Variants in MACROD2 observed in about 807,000 individuals in gnomAD.
The protein encoded by MACROD2 is ADP-ribose glycohydrolase MACROD2.
MACROD2 carries 36 observed loss-of-function variants against 70.4 expected under a neutral mutation model. That is an observed-to-expected ratio of 0.51 (90% CI 0.39 to 0.68). The LOEUF is 0.68. Among genes scored for constraint, MACROD2 ranks in the 30% least tolerant of loss-of-function variants. The probability of loss-of-function intolerance (pLI) is 0.00; values close to 1 mark genes in which losing one functional copy is unlikely to be tolerated. For synonymous variants in MACROD2, 172 were observed against 178.8 expected, an observed-to-expected ratio of 0.96 and a Z score of 0.30; for missense variants, 496 against 538.4, an observed-to-expected ratio of 0.92 and a Z score of 0.78.
intron 5 of MACROD2, among the ~76,000 whole-genome samples, chr20:14,748,446 T>A (rs1186054674): frequency 2.0e-5 from 3 of 152,088 alleles, no homozygotes; most frequent in Non-Finnish European, 2.9e-5. Context: ...ACTTAGTAGG[T>A]CTTTGTAAAT....
At chr20:15,230,767 C>G (rs2076953097) in intron 6 of MACROD2, among the ~76,000 whole-genome samples, 1 of 152,022 alleles carries the variant, frequency 6.6e-6, no homozygotes, top group Non-Finnish European at 1.5e-5. Context: ...TACTCACCTG[C>G]TTTTCTTTTG....
chr20:15,520,929 C>T (rs1489346767), intron 8 of MACROD2, among the ~76,000 whole-genome samples: 3 of 152,208 alleles, frequency 2.0e-5, no homozygotes, highest in South Asian at 2.1e-4. Flanking sequence ...GAGTTCATGG[C>T]GGAGCTGCAG....
intron 5 of MACROD2, among the ~76,000 whole-genome samples, chr20:15,040,533 G>A (rs1166656260): frequency 6.9e-6 from 1 of 145,348 alleles, no homozygotes; most frequent in Admixed American, 7.0e-5. Context: ...GGCTATTGAG[G>A]TGACCAATTA....
chr20:15,666,396 G>A (rs1237909872), intron 8 of MACROD2, among the ~76,000 whole-genome samples: 1 of 152,104 alleles, frequency 6.6e-6, no homozygotes, highest in Non-Finnish European at 1.5e-5. Context: ...GCCTGCCCTA[G>A]GGTCTTTTTT....
At chr20:15,686,977 A>T (rs1600760044) in intron 8 of MACROD2, among the ~76,000 whole-genome samples, 1 of 145,540 alleles carries the variant, frequency 6.9e-6, no homozygotes. Flanking sequence ...TCTTTCTTTT[A>T]TATTTCTAAA....
chr20:14,384,575 A>G (rs2083452902), intron 3 of MACROD2, among the ~76,000 whole-genome samples: 1 of 152,106 alleles, frequency 6.6e-6, no homozygotes, highest in Non-Finnish European at 1.5e-5. Flanking sequence ...GCTAAACAGG[A>G]AATGTCATGA....
chr20:14,697,678 G>A (rs905847894), intron 5 of MACROD2, among the ~76,000 whole-genome samples: 1 of 151,974 alleles, frequency 6.6e-6, no homozygotes, highest in Non-Finnish European at 1.5e-5. Context: ...CAGAAATAAG[G>A]GATCGATATT....
At chr20:15,904,920 G>C (rs1018171704) in intron 10 of MACROD2, among the ~76,000 whole-genome samples, 1 of 151,410 alleles carries the variant, frequency 6.6e-6, no homozygotes, top group Admixed American at 6.6e-5. Flanking sequence ...AAGAAAGGGA[G>C]GAAAGAGGTG....
rs1289852086 is a variant in MACROD2, at chr20:14,809,515, A to G, written c.418+124556A>G. Among the ~76,000 whole-genome samples the G allele has an allele frequency of 3.9e-5, 6 of 152,060 alleles. 1 individual carries two copies. The highest frequency in any genetic ancestry group is 1.2e-4 in the African/African-American group (5 of 41,418). Reference sequence around the variant, plus strand: ...CTAAAATTGACACCCTAACATCACAATTAAAAGAACTAGAGAAGCAAGAGC... The same window carrying G: ...CTAAAATTGACACCCTAACATCACAGTTAAAAGAACTAGAGAAGCAAGAGC... On this transcript the variant is annotated intron_variant, in intron 5 of 17. Transcript: ENST00000684519.
intron 4 of MACROD2, among the ~76,000 whole-genome samples, chr20:14,557,417 C>T (rs1352216381): frequency 3.3e-5 from 5 of 151,684 alleles, no homozygotes; most frequent in South Asian, 2.1e-4. Flanking sequence ...CAAATCACAC[C>T]ACAAAGAAAG....
chr20:14,302,750 G>T (rs2082486765), intron 3 of MACROD2, among the ~76,000 whole-genome samples: 1 of 151,912 alleles, frequency 6.6e-6, no homozygotes, highest in African/African-American at 2.4e-5. Flanking sequence ...CCGCCTGCCA[G>T]GTTCAAATGA....
chr20:14,655,077 C>T (rs1334737000), intron 4 of MACROD2, among the ~76,000 whole-genome samples: 2 of 151,804 alleles, frequency 1.3e-5, no homozygotes, highest in Non-Finnish European at 2.9e-5. Flanking sequence ...ACTATAGTTG[C>T]CCTCAGCAAT....
At chr20:14,880,746 A>C (rs927364971) in intron 5 of MACROD2, among the ~76,000 whole-genome samples, 1 of 152,228 alleles carries the variant, frequency 6.6e-6, no homozygotes, top group Non-Finnish European at 1.5e-5. Flanking sequence ...TTAAAGACAA[A>C]CTGAAAAGAA....
intron 3 of MACROD2, among the ~76,000 whole-genome samples, chr20:14,172,795 G>T (rs1194729841): frequency 1.3e-5 from 2 of 152,084 alleles, no homozygotes; most frequent in Admixed American, 1.3e-4. Context: ...GTATTTTGAG[G>T]ATTTGTTTCA....
At chr20:14,805,567 C>A (rs1339753883) in intron 5 of MACROD2, among the ~76,000 whole-genome samples, 1 of 151,924 alleles carries the variant, frequency 6.6e-6, no homozygotes, top group South Asian at 2.1e-4. Context: ...AAAAATTTAG[C>A]GAAGCTCTGA....
chr20:14,523,542 A>C (rs2085195014), intron 4 of MACROD2: 1 of 152,088 alleles, frequency 6.6e-6, no homozygotes, highest in Admixed American at 6.5e-5. Flanking sequence ...ACATTTTCTC[A>C]TCTTTTCTTC....
chr20:15,563,690 A>G (rs1237984959), intron 8 of MACROD2, among the ~76,000 whole-genome samples: 2 of 152,184 alleles, frequency 1.3e-5, no homozygotes, highest in Non-Finnish European at 2.9e-5. Flanking sequence ...GGATTGATCA[A>G]AGACATAAAA....
rs1568826169 is a variant in MACROD2, at chr20:14,839,333, A to G, written c.418+154374A>G. On this transcript the variant is annotated intron_variant, in intron 5 of 17. Coordinates refer to ENST00000684519, the MANE Select transcript of MACROD2 (RefSeq NM_001351661.2). ...AAACACAAGTCTGATGGAATGAGAG[A>G]TCGCATGAAAGAATTTGATTTAAGC... is the stretch of plus-strand genomic sequence containing the variant. Among the ~76,000 whole-genome samples, 5 of 152,128 alleles carry G rather than the reference A, an allele frequency of 3.3e-5. No individual in the cohort carries two copies. In the East Asian group the frequency reaches 9.6e-4, roughly 29 times the overall value.
At chr20:15,315,832 A>G (rs922641486) in intron 6 of MACROD2, among the ~76,000 whole-genome samples, 30 of 152,200 alleles carry the variant, frequency 2.0e-4, no homozygotes, top group African/African-American at 7.2e-4. Context: ...TTGATTTCTT[A>G]TATGATTTAA....
Sources: allele counts gnomAD v4.1 joint callset (sites outside exome capture counted in the v4.1 genomes callset), GRCh38; gene constraint gnomAD v4.1.1; transcripts MANE v1.5; gene names NCBI Gene and HGNC (gene_info 2026-07-23, HGNC 2026-07-21).